PIK3C2G: variants seen among roughly 807,000 people sequenced by gnomAD.
PIK3C2G encodes the protein phosphatidylinositol 3-kinase C2 domain-containing subunit gamma.
Under a neutral mutation model 181.1 loss-of-function variants are expected in PIK3C2G, and 168 were observed. The ratio of observed to expected loss-of-function variants is 0.93; its 90% CI spans 0.82 to 1.05. The LOEUF (loss-of-function observed/expected upper bound fraction) is 1.05, where lower values mean the gene tolerates loss of function less well. PIK3C2G is among the 50% of genes least tolerant of loss of function. The pLI, the probability that PIK3C2G is intolerant of heterozygous loss-of-function variation, is 0.00. For missense variants in PIK3C2G, 1,869 were observed against 1,732.8 expected, an observed-to-expected ratio of 1.08 and a Z score of -1.40; for synonymous variants, 573 against 592.2, an observed-to-expected ratio of 0.97 and a Z score of 0.47.
intron 5 of PIK3C2G, among the ~76,000 whole-genome samples, chr12:18,306,904 C>T (rs548421152): frequency 1.3e-5 from 2 of 151,800 alleles, no homozygotes; most frequent in East Asian, 1.9e-4. Flanking sequence ...TCACAATACA[C>T]CTCTGTGACT....
At chr12:18,534,423 C>A (rs1176943090) in intron 24 of PIK3C2G, among the ~76,000 whole-genome samples, 1 of 151,918 alleles carries the variant, frequency 6.6e-6, no homozygotes, top group African/African-American at 2.4e-5. Flanking sequence ...ATAATAATAA[C>A]TTCAGGGAAA....
At chr12:18,559,999 A>G (rs1945264583) in intron 26 of PIK3C2G, among the ~76,000 whole-genome samples, 1 of 150,826 alleles carries the variant, frequency 6.6e-6, no homozygotes, top group Non-Finnish European at 1.5e-5. Flanking sequence ...ATCTGCCACC[A>G]TGCCTGGCTA....
At chr12:18,292,073 GA>G (rs1271675640) in intron 4 of PIK3C2G, among the ~76,000 whole-genome samples, 1 of 150,632 alleles carries the variant, frequency 6.6e-6, no homozygotes, top group Non-Finnish European at 1.5e-5. Context: ...AGCCAGGTGT[GA>G]TGGCGCATGC....
chr12:18,520,300 C>A (rs1187276754), intron 24 of PIK3C2G, among the ~76,000 whole-genome samples: 2 of 152,044 alleles, frequency 1.3e-5, no homozygotes, highest in Non-Finnish European at 2.9e-5. Flanking sequence ...AGGATAATAT[C>A]CTGAAGTGTG....
At chr12:18,316,249 T>A (rs555349953) in intron 6 of PIK3C2G, among the ~76,000 whole-genome samples, 1 of 152,296 alleles carries the variant, frequency 6.6e-6, no homozygotes, top group South Asian at 2.1e-4. Context: ...TATGGTAATG[T>A]CAGCAAGCGC....
chr12:18,531,808 T>C (rs1220331067), intron 24 of PIK3C2G, among the ~76,000 whole-genome samples: 1 of 152,226 alleles, frequency 6.6e-6, no homozygotes, highest in African/African-American at 2.4e-5. Flanking sequence ...TTGTTTGCAT[T>C]TTCTGGCTAT....
chr12:18,650,651 A>C, downstream of PIK3C2G, among the ~76,000 whole-genome samples: 1 of 125,418 alleles, frequency 8.0e-6, no homozygotes, highest in African/African-American at 2.9e-5. Context: ...TTATTTACAT[A>C]ACTGGAATAT....
Position 18,609,649 on chromosome 12 carries a change from TAAG to T in PIK3C2G, c.4182+23_4182+25del. On this transcript the variant is annotated intron_variant, in intron 31 of 32. Coordinates refer to ENST00000538779, the MANE Select transcript of PIK3C2G (RefSeq NM_001288772.2). The stretch of plus-strand genomic sequence containing the variant: ...AACATTGTAAGTTTATTATGTATAA[TAAG>T]AAACATGTAAGCCTACATCCAGAAA... 2.1e-6 allele frequency: 3 copies of T among 1,408,278 alleles called. No homozygotes were observed. Among genetic ancestry groups the T allele is most frequent in the Non-Finnish European group, 2.9e-6 (3 of 1,017,120 alleles). 87.2% of individuals were successfully genotyped at this position (1,408,278 alleles called of 1,614,324 possible).
chr12:18,267,726 T>G (rs551874801), intron 1 of PIK3C2G, among the ~76,000 whole-genome samples: 1 of 152,346 alleles, frequency 6.6e-6, no homozygotes, highest in African/African-American at 2.4e-5. Flanking sequence ...TCTATATTGC[T>G]TTCATGTCCA....
intron 24 of PIK3C2G, among the ~76,000 whole-genome samples, chr12:18,521,654 A>G (rs1434081426): frequency 6.6e-6 from 1 of 152,190 alleles, no homozygotes; most frequent in Non-Finnish European, 1.5e-5. Context: ...CTGGAGCTAT[A>G]GAGATGGCTG....
intron 25 of PIK3C2G, among the ~76,000 whole-genome samples, chr12:18,540,481 T>C (rs1944092814): frequency 1.3e-5 from 2 of 151,888 alleles, no homozygotes; most frequent in Admixed American, 1.3e-4. Context: ...TCAGTGGGCT[T>C]TTTTTCTCTT....
the PIK3C2G span, chr12:18,693,607 T>C: frequency 6.4e-7 from 1 of 1,573,860 alleles, no homozygotes; most frequent in Non-Finnish European, 8.7e-7. Context: ...CTGAAGAACG[T>C]GCACCGTCCA....
chr12:18,600,318 G>A (rs1163987215), intron 30 of PIK3C2G, among the ~76,000 whole-genome samples: 1 of 151,714 alleles, frequency 6.6e-6, no homozygotes. Flanking sequence ...AAGAACTGTT[G>A]GATCAAATGG....
At chr12:18,578,121 C>T (rs1029317005) in intron 29 of PIK3C2G, among the ~76,000 whole-genome samples, 11 of 152,154 alleles carry the variant, frequency 7.2e-5, no homozygotes, top group African/African-American at 2.7e-4. Flanking sequence ...AGGTATCTGT[C>T]TTGCATTTCA....
chr12:18,577,725 T>A (rs1169729422), intron 29 of PIK3C2G, among the ~76,000 whole-genome samples: 2 of 152,158 alleles, frequency 1.3e-5, no homozygotes, highest in African/African-American at 4.8e-5. Context: ...CAAGGTATCA[T>A]CCTGGTAATT....
At chr12:18,385,597 C>T (rs1054241139) in intron 14 of PIK3C2G, among the ~76,000 whole-genome samples, 1 of 152,016 alleles carries the variant, frequency 6.6e-6, no homozygotes, top group African/African-American at 2.4e-5. Flanking sequence ...GAGATGAATT[C>T]TCACTCTGTC....
chr12:18,712,406 A>G, the PIK3C2G span, among the ~76,000 whole-genome samples: 1 of 152,178 alleles, frequency 6.6e-6, no homozygotes, highest in Non-Finnish European at 1.5e-5. Flanking sequence ...AACATTTCTT[A>G]CTATATCAAT....
At chr12:18,579,710 CT>C (rs1164492704) in intron 29 of PIK3C2G, among the ~76,000 whole-genome samples, 1 of 152,142 alleles carries the variant, frequency 6.6e-6, no homozygotes, top group Non-Finnish European at 1.5e-5. Flanking sequence ...TGGATTTAAG[CT>C]TTTTTTCTTT....
intron 24 of PIK3C2G, among the ~76,000 whole-genome samples, chr12:18,537,618 G>A (rs1943929137): frequency 6.6e-6 from 1 of 151,934 alleles, no homozygotes; most frequent in Non-Finnish European, 1.5e-5. Context: ...TTTTTACTGG[G>A]TCCAGTGTGA....
Sources: gnomAD v4.1 joint callset for allele counts (sites outside exome capture counted in the v4.1 genomes callset) on GRCh38, gnomAD v4.1.1 for gene constraint, MANE v1.5 for transcripts, NCBI Gene and HGNC (gene_info 2026-07-23, HGNC 2026-07-21) for gene names.